CCDC171: variants seen among roughly 807,000 people sequenced by gnomAD.
CCDC171 encodes coiled-coil domain containing 171.
A neutral mutation model predicts 168.2 loss-of-function variants in CCDC171; 177 were observed. The observed-to-expected ratio is 1.05, with a 90% CI of 0.93 to 1.19. The LOEUF is 1.19. Ranked by LOEUF, CCDC171 falls within the 50% of genes most tolerant of loss-of-function variation. The probability of loss-of-function intolerance (pLI) is 0.00; values close to 1 mark genes in which losing one functional copy is unlikely to be tolerated. For missense variants in CCDC171, 1,991 were observed against 1,539.0 expected, an observed-to-expected ratio of 1.29 and a Z score of -4.91; for synonymous variants, 687 against 540.8, an observed-to-expected ratio of 1.27 and a Z score of -3.75.
chr9:15,552,944 G>T (rs145584758), upstream of CCDC171: 3 of 151,644 alleles, frequency 2.0e-5, 1 homozygote, highest in Middle Eastern at 6.8e-3. Flanking sequence ...CTTCCAATCC[G>T]AGCCAGCGTT....
At chr9:15,588,458 G>C (rs569782738) in intron 4 of CCDC171, 9 of 286,056 alleles carry the variant, frequency 3.1e-5, no homozygotes, top group South Asian at 3.1e-4. Flanking sequence ...AAGCCAGAGC[G>C]CAAGCCCAAA....
intron 23 of CCDC171, among the ~76,000 whole-genome samples, chr9:15,865,571 A>G (rs1316294660): frequency 6.6e-6 from 1 of 151,966 alleles, no homozygotes; most frequent in African/African-American, 2.4e-5. Context: ...GACTTTTATG[A>G]TGATCCACTT....
chr9:15,815,107 TCA>T (rs2059515491), intron 21 of CCDC171, among the ~76,000 whole-genome samples: 1 of 152,218 alleles, frequency 6.6e-6, no homozygotes, highest in Non-Finnish European at 1.5e-5. Flanking sequence ...CAGCTCTTGT[TCA>T]CACACCCCTT....
intron 24 of CCDC171, among the ~76,000 whole-genome samples, chr9:15,891,923 A>G (rs955557925): frequency 1.3e-5 from 2 of 152,116 alleles, no homozygotes; most frequent in East Asian, 1.9e-4. Flanking sequence ...CTGGGAGCCT[A>G]TGGGACGCAT....
intron 8 of CCDC171, among the ~76,000 whole-genome samples, chr9:15,659,872 C>G (rs2048191939): frequency 6.6e-6 from 1 of 152,192 alleles, no homozygotes; most frequent in Non-Finnish European, 1.5e-5. Flanking sequence ...TATCACCACT[C>G]CGTTACTTTA....
chr9:15,756,965 C>T (rs1337437546), intron 18 of CCDC171, among the ~76,000 whole-genome samples: 1 of 152,194 alleles, frequency 6.6e-6, no homozygotes, highest in African/African-American at 2.4e-5. Flanking sequence ...AACTATAAAT[C>T]CAATAAACCT....
At chr9:16,007,525 G>A (rs1275517854) in intron 3 of CCDC171, among the ~76,000 whole-genome samples, 1 of 152,060 alleles carries the variant, frequency 6.6e-6, no homozygotes, top group African/African-American at 2.4e-5. Flanking sequence ...TGTCCTGAAT[G>A]GTATTTCATA....
chr9:15,978,509 C>T (rs1272252021), downstream of CCDC171, among the ~76,000 whole-genome samples: 3 of 152,130 alleles, frequency 2.0e-5, no homozygotes, highest in Non-Finnish European at 4.4e-5. Flanking sequence ...TGTGGGGAGG[C>T]AGAATCCCTG....
In CCDC171 at chr9:15,728,144, G is replaced by A. The variant is rs576209726; in HGVS notation, c.1860+108G>A. ...TTCATCTTATTTCAAAAAGAATTTG[G>A]ATGTTAATAATTCAATACCATTAAT... is the stretch of plus-strand genomic sequence containing the variant. On this transcript the variant is annotated intron_variant, in intron 15 of 25. Transcript: ENST00000380701. The A allele has an allele frequency of 1.3e-5, 11 of 858,334 alleles. No individual in the cohort carries two copies. The East Asian group carries it at 2.4e-4, about 19-fold the overall frequency. 53.2% of individuals were successfully genotyped at this position (858,334 alleles called of 1,614,324 possible). A position where few individuals can be genotyped will look rare whatever the true frequency, so the allele number is the denominator to read the frequency against.
intron 11 of CCDC171, among the ~76,000 whole-genome samples, chr9:15,707,894 C>G (rs2052366978): frequency 6.6e-6 from 1 of 152,172 alleles, no homozygotes. Context: ...GTCGCCCAGG[C>G]TGAAATGCAG....
chr9:16,085,754 C>T, the CCDC171 span, among the ~76,000 whole-genome samples: 1 of 152,164 alleles, frequency 6.6e-6, no homozygotes, highest in Non-Finnish European at 1.5e-5. Flanking sequence ...TTTCATTCTT[C>T]ACTGCATGCA....
At chr9:15,828,005 A>G (rs1011933261) in intron 21 of CCDC171, among the ~76,000 whole-genome samples, 2 of 152,220 alleles carry the variant, frequency 1.3e-5, no homozygotes, top group East Asian at 3.8e-4. Context: ...GTAGGATTTC[A>G]TGACAGAGTA....
intron 21 of CCDC171, among the ~76,000 whole-genome samples, chr9:15,826,828 C>G (rs1238665145): frequency 6.6e-6 from 1 of 152,188 alleles, no homozygotes; most frequent in Non-Finnish European, 1.5e-5. Context: ...ATCCATGAGT[C>G]TAATCACAGT....
At chr9:15,966,327 C>T (rs893966641) in intron 25 of CCDC171, among the ~76,000 whole-genome samples, 18 of 152,128 alleles carry the variant, frequency 1.2e-4, no homozygotes, top group African/African-American at 4.1e-4. Flanking sequence ...GTGATGTGAA[C>T]TATGGAATGT....
chr9:15,703,049 G>A lies in CCDC171; in HGVS notation c.1318+7712G>A, dbSNP rs556793741. ...CACCTGAGTAGCTTGGACTACAGGT[G>A]TGTGCCACCACACCCAGCTAATTTT... On this transcript the variant is annotated intron_variant, in intron 11 of 25. Transcript: ENST00000380701. Among the ~76,000 whole-genome samples, 215 of 152,180 alleles carry A rather than the reference G, an allele frequency of 1.4e-3. 1 individual carries two copies. The highest frequency in any genetic ancestry group is 4.4e-3 in the African/African-American group (182 of 41,516).
chr9:15,741,650 T>TC (rs140806492), intron 16 of CCDC171, among the ~76,000 whole-genome samples: 1 of 152,198 alleles, frequency 6.6e-6, no homozygotes, highest in Non-Finnish European at 1.5e-5. Flanking sequence ...GACTTTTTTT[T>TC]CCTGTTTGAA....
chr9:16,080,228 A>G, the CCDC171 span, among the ~76,000 whole-genome samples: 1 of 152,232 alleles, frequency 6.6e-6, no homozygotes, highest in South Asian at 2.1e-4. Context: ...GAACAAAGGC[A>G]GGTCCCCAGA....
intron 8 of CCDC171, 49 bp from the exon 9 acceptor site, chr9:15,666,114 A>G: frequency 1.3e-6 from 2 of 1,533,386 alleles, no homozygotes; most frequent in Non-Finnish European, 1.8e-6. Context: ...TTTAAGATTG[A>G]TGCTAGCATT....
At chr9:15,555,901 T>G (rs151261997) in intron 1 of CCDC171, among the ~76,000 whole-genome samples, 52 of 151,968 alleles carry the variant, frequency 3.4e-4, no homozygotes, top group South Asian at 2.3e-3. Flanking sequence ...TTCTCGTTGT[T>G]CAATTCCTAC....
Sources: allele counts gnomAD v4.1 joint callset (sites outside exome capture counted in the v4.1 genomes callset), GRCh38; gene constraint gnomAD v4.1.1; transcripts MANE v1.5; gene names NCBI Gene and HGNC (gene_info 2026-07-23, HGNC 2026-07-21).